SH2D4A: variants seen among roughly 807,000 people sequenced by gnomAD.
The protein encoded by SH2D4A is SH2 domain-containing protein 4A.
A neutral mutation model predicts 64.7 loss-of-function variants in SH2D4A; 70 were observed. That is an observed-to-expected ratio of 1.08 (90% CI 0.89 to 1.32). The LOEUF (loss-of-function observed/expected upper bound fraction) is 1.32. Ranked by LOEUF, SH2D4A falls within the 40% of genes most tolerant of loss-of-function variation. The pLI, the probability that SH2D4A is intolerant of heterozygous loss-of-function variation, is 0.00. For missense variants in SH2D4A, 706 were observed against 540.1 expected, an observed-to-expected ratio of 1.31 and a Z score of -3.04; for synonymous variants, 268 against 200.7, an observed-to-expected ratio of 1.34 and a Z score of -2.83.
At chr8:19,379,746 C>G (rs532409364) in intron 8 of SH2D4A, among the ~76,000 whole-genome samples, 2 of 152,110 alleles carry the variant, frequency 1.3e-5, no homozygotes, top group East Asian at 1.9e-4. Flanking sequence ...TTCCTTTTTT[C>G]TCTTTTAAGA....
At chr8:19,361,383 C>A (rs1406464283) in intron 6 of SH2D4A, 69 bp downstream of exon 6, 1 of 1,477,622 alleles carries the variant, frequency 6.8e-7, no homozygotes. Flanking sequence ...ATAATGTGAT[C>A]AATCTAGAAA....
intron 8 of SH2D4A, among the ~76,000 whole-genome samples, chr8:19,383,709 C>A (rs2053338129): frequency 6.6e-6 from 1 of 152,048 alleles, no homozygotes; most frequent in Admixed American, 6.6e-5. Flanking sequence ...ACAGTCTTCA[C>A]AGCTTCTTTT....
intron 8 of SH2D4A, among the ~76,000 whole-genome samples, chr8:19,385,102 C>T (rs1359560273): frequency 6.6e-6 from 1 of 152,164 alleles, no homozygotes; most frequent in African/African-American, 2.4e-5. Flanking sequence ...ACAACTGAAC[C>T]TACCCTCCTC....
At chr8:19,382,957 A>C (rs1196316552) in intron 8 of SH2D4A, among the ~76,000 whole-genome samples, 3 of 149,700 alleles carry the variant, frequency 2.0e-5, no homozygotes, top group Non-Finnish European at 4.4e-5. Context: ...CAGCCCTGTC[A>C]AGTAGTTGGG....
At chr8:19,389,316 T>C (rs17128342) in intron 8 of SH2D4A, among the ~76,000 whole-genome samples, 19 of 152,128 alleles carry the variant, frequency 1.2e-4, no homozygotes, top group Admixed American at 1.2e-3. Flanking sequence ...CTGGGCAAAA[T>C]GTTTATTCTA....
At chr8:19,352,947 C>T (rs559316571) in intron 4 of SH2D4A, among the ~76,000 whole-genome samples, 52 of 152,238 alleles carry the variant, frequency 3.4e-4, no homozygotes, top group African/African-American at 1.3e-3. Flanking sequence ...GAAGTTGAGG[C>T]TGCAGTGAGC....
intron 4 of SH2D4A, among the ~76,000 whole-genome samples, chr8:19,351,458 C>G (rs951763567): frequency 1.3e-5 from 2 of 152,000 alleles, no homozygotes; most frequent in Non-Finnish European, 2.9e-5. Context: ...AAAAAATTAG[C>G]CAGGCGTGCT....
chr8:19,319,623 A>G lies in SH2D4A; in HGVS notation c.76A>G (p.Ile26Val). Reference sequence around the variant, plus strand: ...AGAGCTCAGCGAAGAACAGAAACAGATCCTGTTCTTCAAGATGAGAGAGGA... The same window carrying G: ...AGAGCTCAGCGAAGAACAGAAACAGGTCCTGTTCTTCAAGATGAGAGAGGA... ...LAELSEEQKQ[I>V]LFFKMREEQI... is the part of the protein sequence containing the mutation. Residue 26 changes from isoleucine to valine, a missense_variant, in exon 2 of 10, where the codon ATC (isoleucine) becomes GTC (valine). Coordinates refer to ENST00000265807, the MANE Select transcript of SH2D4A (RefSeq NM_022071.4). 6.2e-7 allele frequency: 1 copy of G among 1,611,476 alleles called. No individual in the cohort carries two copies. The highest frequency in any genetic ancestry group is 8.5e-7 in the Non-Finnish European group (1 of 1,179,090).
At chr8:19,315,986 C>G (rs570920556) in intron 1 of SH2D4A, among the ~76,000 whole-genome samples, 1 of 152,162 alleles carries the variant, frequency 6.6e-6, no homozygotes, top group Non-Finnish European at 1.5e-5. Flanking sequence ...CAGAGTCACA[C>G]CGCTCACTAG....
intron 8 of SH2D4A, among the ~76,000 whole-genome samples, chr8:19,383,661 C>A (rs2053337174): frequency 6.6e-6 from 1 of 151,886 alleles, no homozygotes. Context: ...TTGTTATAGG[C>A]TTTCTCTATG....
chr8:19,342,430 T>C (rs539138792), intron 4 of SH2D4A, among the ~76,000 whole-genome samples: 2 of 152,280 alleles, frequency 1.3e-5, no homozygotes, highest in Non-Finnish European at 2.9e-5. Flanking sequence ...CTACACATGG[T>C]AAGAGGATAG....
At chr8:19,388,847 A>G (rs2053434676) in intron 8 of SH2D4A, among the ~76,000 whole-genome samples, 2 of 152,336 alleles carry the variant, frequency 1.3e-5, no homozygotes, top group African/African-American at 4.8e-5. Context: ...CTGAGTGTGT[A>G]AAAATAAATA....
chr8:19,393,152 C>G (rs1418327780), intron 8 of SH2D4A, among the ~76,000 whole-genome samples, 166 bp from the exon 9 acceptor site: 1 of 152,088 alleles, frequency 6.6e-6, no homozygotes, highest in Middle Eastern at 3.2e-3. Context: ...TAGCAAATAC[C>G]AGAAGAATAT....
At chr8:19,317,411 C>T (rs188315162) in intron 1 of SH2D4A, among the ~76,000 whole-genome samples, 16 of 145,414 alleles carry the variant, frequency 1.1e-4, no homozygotes, top group African/African-American at 4.1e-4. Flanking sequence ...TACTTTTAGT[C>T]CTTTAAAATT....
chr8:19,313,937 C>G, intron 1 of SH2D4A, 114 bp downstream of exon 1: 2 of 1,280,972 alleles, frequency 1.6e-6, no homozygotes, highest in Non-Finnish European at 9.9e-7. Flanking sequence ...GGGGCCAGAG[C>G]GGGCGGGCGG....
In SH2D4A at chr8:19,394,650, C is replaced by A; in HGVS notation, c.*8C>A. 1 of 1,596,174 alleles carries A rather than the reference C, an allele frequency of 6.3e-7. No homozygotes were observed. Among genetic ancestry groups the A allele is most frequent in the Non-Finnish European group, 8.6e-7 (1 of 1,168,232 alleles). On this transcript the variant is annotated 3_prime_UTR_variant, in exon 10 of 10. Transcript: ENST00000265807. ...CTGGAGCTGTTTGAGTGACAGCCTC[C>A]ATCAGGGTCATCCTACAGCCTCCAA...
At chr8:19,389,688 AG>A (rs773529985) in intron 8 of SH2D4A, among the ~76,000 whole-genome samples, 2 of 152,138 alleles carry the variant, frequency 1.3e-5, no homozygotes, top group Non-Finnish European at 2.9e-5. Flanking sequence ...GTGAAGATAT[AG>A]GTCACTAAAC....
chr8:19,387,543 G>A (rs528850161), intron 8 of SH2D4A, among the ~76,000 whole-genome samples: 5 of 152,304 alleles, frequency 3.3e-5, no homozygotes, highest in African/African-American at 9.6e-5. Flanking sequence ...TCTGGCCATG[G>A]CCATCACATG....
At chr8:19,369,673 G>T (rs758855946) in intron 7 of SH2D4A, among the ~76,000 whole-genome samples, 10 of 151,888 alleles carry the variant, frequency 6.6e-5, no homozygotes, top group Non-Finnish European at 1.0e-4. Context: ...GGTATCAGTT[G>T]TGATGTCTCC....
Sources: gnomAD v4.1 joint callset for allele counts (sites outside exome capture counted in the v4.1 genomes callset) on GRCh38, gnomAD v4.1.1 for gene constraint, MANE v1.5 for transcripts, NCBI Gene and HGNC (gene_info 2026-07-23, HGNC 2026-07-21) for gene names.